Variants in COL4A1 observed in about 807,000 individuals in gnomAD.
COL4A1 encodes collagen type IV alpha 1 chain, also known as collagen alpha-1(IV) chain.
A neutral mutation model predicts 216.6 loss-of-function variants in COL4A1; 40 were observed. The ratio of observed to expected loss-of-function variants is 0.18; its 90% CI spans 0.14 to 0.24. The LOEUF is 0.24. Ranked by LOEUF, COL4A1 falls within the 10% of genes least tolerant of loss-of-function variation. The pLI is 1.00. For synonymous variants in COL4A1, 839 were observed against 810.7 expected, an observed-to-expected ratio of 1.03 and a Z score of -0.59; for missense variants, 1,628 against 2,196.8, an observed-to-expected ratio of 0.74 and a Z score of 5.18.
chr13:110,213,151 C>T (rs534712684), intron 4 of COL4A1, among the ~76,000 whole-genome samples: 6 of 152,064 alleles, frequency 3.9e-5, no homozygotes, highest in Admixed American at 2.6e-4. Context: ...GGATCAAAAA[C>T]TACGTAACAG....
At chr13:110,252,703 T>TATATATAC (rs1882198527) in intron 1 of COL4A1, among the ~76,000 whole-genome samples, 1 of 142,352 alleles carries the variant, frequency 7.0e-6, no homozygotes, top group African/African-American at 2.6e-5. Flanking sequence ...TAATTATATG[T>TATATATAC]ATATATGTAT....
chr13:110,261,976 G>C (rs895140963), intron 1 of COL4A1, among the ~76,000 whole-genome samples: 3 of 152,184 alleles, frequency 2.0e-5, no homozygotes, highest in Non-Finnish European at 1.5e-5. Flanking sequence ...GCTGTGACCG[G>C]GCGGGAAGCT....
intron 2 of COL4A1, among the ~76,000 whole-genome samples, chr13:110,233,788 A>C (rs527460683): frequency 6.6e-6 from 1 of 152,310 alleles, no homozygotes; most frequent in East Asian, 1.9e-4. Context: ...CTCCACCAAA[A>C]GCATCCAAAA....
chr13:110,169,875 C>T (rs1277240531), intron 42 of COL4A1, 113 bp from the exon 43 acceptor site: 9 of 1,251,672 alleles, frequency 7.2e-6, no homozygotes, highest in Non-Finnish European at 9.6e-6. Flanking sequence ...AACACTGGAC[C>T]AACAGTGACA....
intron 22 of COL4A1, 44 bp downstream of exon 22, chr13:110,194,979 C>T (rs763700172): frequency 1.2e-5 from 19 of 1,560,778 alleles, no homozygotes; most frequent in East Asian, 4.5e-5. Context: ...AAAAATCATA[C>T]GCAAAGACAC....
At chr13:110,190,616 T>A in intron 24 of COL4A1, 1 of 152,266 alleles carries the variant, frequency 6.6e-6, no homozygotes, top group Non-Finnish European at 1.5e-5. Context: ...TCCTGTGTGC[T>A]CGTTTATGGA....
chr13:110,160,631 A>C (rs1395073396), intron 49 of COL4A1, among the ~76,000 whole-genome samples: 1 of 152,254 alleles, frequency 6.6e-6, no homozygotes, highest in Non-Finnish European at 1.5e-5. Context: ...ACAGTGAGTC[A>C]GGCAAAATAT....
At chr13:110,199,486 C>G (rs114636701) in intron 20 of COL4A1, among the ~76,000 whole-genome samples, 1,629 of 152,300 alleles carry the variant, frequency 0.011, 26 homozygotes, top group African/African-American at 0.036. Context: ...CCCCGAGGGG[C>G]GGCCCCTGTG....
chr13:110,259,913 T>C (rs914315155), intron 1 of COL4A1, among the ~76,000 whole-genome samples: 2 of 150,888 alleles, frequency 1.3e-5, no homozygotes, highest in Non-Finnish European at 3.0e-5. Flanking sequence ...AAATATCAGC[T>C]TCCCAGACGC....
Position 110,268,722 on chromosome 13 carries a change from C to A in COL4A1, c.85-25988G>T, listed in dbSNP as rs959083697. Among the ~76,000 whole-genome samples the A allele has an allele frequency of 6.6e-6, 1 of 152,214 alleles. No individual in the cohort carries two copies. The highest frequency in any genetic ancestry group is 2.4e-5 in the African/African-American group (1 of 41,456). ...TGACCCCATGTGGGAATGACACCTG[C>A]CTCTTAACACAACTGGGACAAGGAA... On this transcript the variant is annotated intron_variant, in intron 1 of 51. Transcript: ENST00000375820. The surrounding 1 kb of genome is among the most constrained non-coding windows in gnomAD (Gnocchi z 4.1).
At chr13:110,166,385 G>A in intron 44 of COL4A1, 82 bp from the exon 45 acceptor site, 1 of 879,886 alleles carries the variant, frequency 1.1e-6, no homozygotes, top group Non-Finnish European at 2.0e-6. Flanking sequence ...TCTCTCTAGT[G>A]CACACACATA....
intron 2 of COL4A1, among the ~76,000 whole-genome samples, chr13:110,241,068 C>T (rs563774372): frequency 6.6e-5 from 10 of 152,278 alleles, no homozygotes; most frequent in African/African-American, 2.2e-4. Flanking sequence ...CTGAGTTTCA[C>T]CGTGTTGGCC....
chr13:110,210,607 A>C (rs902550529), intron 8 of COL4A1, among the ~76,000 whole-genome samples: 2 of 152,252 alleles, frequency 1.3e-5, no homozygotes, highest in African/African-American at 4.8e-5. Context: ...GAATACTTTT[A>C]TAAAAGCACG....
chr13:110,180,552 G>A (rs568666246), intron 29 of COL4A1, among the ~76,000 whole-genome samples: 30 of 152,368 alleles, frequency 2.0e-4, no homozygotes, highest in South Asian at 1.2e-3. Context: ...CCTTTCTCCC[G>A]TTTGGTACCA....
intron 2 of COL4A1, among the ~76,000 whole-genome samples, chr13:110,217,868 G>A (rs1488452341): frequency 6.6e-6 from 1 of 152,178 alleles, no homozygotes; most frequent in Non-Finnish European, 1.5e-5. Context: ...CATGCATGGA[G>A]CAACTTAAAA....
chr13:110,162,279 G>GT lies in COL4A1; in HGVS notation c.4412dup (p.Tyr1471Ter). 6.2e-7 allele frequency: 1 copy of GT among 1,614,252 alleles called. No individual in the cohort carries two copies. Among genetic ancestry groups the GT allele is most frequent in the Non-Finnish European group, 8.5e-7 (1 of 1,180,046 alleles). Reference protein sequence around the residue: ...PSGTKILYHGYSLLYVQGNER... With the variant: ...PSGTKILYHG ...CATTGCCTTGCACGTAGAGCAAAGA[G>GT]TACCCGTGGTAAAGAATTTTGGTCC... Residue 1471 changes from tyrosine to a stop codon, truncating the protein, a stop_gained and frameshift_variant, in exon 48 of 52, where the codon TAC becomes TAAC. Coordinates refer to ENST00000375820, the MANE Select transcript of COL4A1 (RefSeq NM_001845.6). LOFTEE classifies it high-confidence loss of function.
At chr13:110,206,618 T>G (rs763527787) in intron 15 of COL4A1, 47 bp downstream of exon 15, 1 of 1,598,584 alleles carries the variant, frequency 6.3e-7, no homozygotes, top group South Asian at 1.1e-5. Flanking sequence ...ATTTTCCGCA[T>G]GGAAGGAGAA....
chr13:110,216,745 G>A (rs1381185276), intron 2 of COL4A1, among the ~76,000 whole-genome samples: 5 of 152,056 alleles, frequency 3.3e-5, no homozygotes, highest in African/African-American at 4.8e-5. Context: ...AGAGCAAGCC[G>A]GTTCCCAGCA....
chr13:110,246,144 T>TA (rs35110605), intron 1 of COL4A1, among the ~76,000 whole-genome samples: 6,207 of 144,200 alleles, frequency 0.043, 387 homozygotes, highest in African/African-American at 0.14. Flanking sequence ...ATGGTTTTGT[T>TA]AAAAAAAAAA....
Sources: allele counts gnomAD v4.1 joint callset (sites outside exome capture counted in the v4.1 genomes callset), GRCh38; gene constraint gnomAD v4.1.1; non-coding constraint Gnocchi (gnomAD v3.1); transcripts MANE v1.5; gene names NCBI Gene and HGNC (gene_info 2026-07-23, HGNC 2026-07-21).